Variants in MYO16 observed in about 807,000 individuals in gnomAD.
The protein encoded by MYO16 is myosin XVI, also known as unconventional myosin-XVI.
In MYO16, 94 loss-of-function variants were observed where a neutral mutation model predicts 205.3. That is an observed-to-expected ratio of 0.46 (90% confidence interval 0.39 to 0.54). The LOEUF is 0.54. MYO16 is among the 20% of genes least tolerant of loss of function. The pLI is 0.00. For synonymous variants in MYO16, 988 were observed against 954.0 expected (o/e 1.04, Z -0.66); for missense variants, 2,315 against 2,387.5 (o/e 0.97, Z 0.63).
At chr13:108,744,389 C>A (rs546180431) in intron 4 of MYO16, among the ~76,000 whole-genome samples, 2 of 152,262 alleles carry the variant, frequency 1.3e-5, no homozygotes, top group South Asian at 4.1e-4. Context: ...TTCTATAAGC[C>A]TTTTTCTTCA....
intron 11 of MYO16, among the ~76,000 whole-genome samples, chr13:108,857,686 G>A (rs1878253460): frequency 6.6e-6 from 1 of 152,210 alleles, no homozygotes; most frequent in South Asian, 2.1e-4. Flanking sequence ...CCTAGCCCAT[G>A]TGCAAGAATA....
chr13:108,608,651 G>GTTTTTTTTTTTTTTT (rs774506124), intron 1 of MYO16, among the ~76,000 whole-genome samples: 1 of 151,174 alleles, frequency 6.6e-6, no homozygotes, highest in Non-Finnish European at 1.5e-5. Context: ...ACCCACAAAT[G>GTTTTTTTTTTTTTTT]ATTTTTTTTT....
intron 16 of MYO16, among the ~76,000 whole-genome samples, chr13:108,941,978 C>T (rs1882750069): frequency 6.6e-6 from 1 of 152,104 alleles, no homozygotes; most frequent in African/African-American, 2.4e-5. Flanking sequence ...TTCTTAAATG[C>T]CTAAGAGTTA....
At chr13:109,171,087 C>T (rs1878905075) in intron 33 of MYO16, among the ~76,000 whole-genome samples, 1 of 152,178 alleles carries the variant, frequency 6.6e-6, no homozygotes. Context: ...GAACTTTCCC[C>T]ATGATTTTTA....
chr13:109,018,058 G>A (rs1407472725), intron 22 of MYO16, among the ~76,000 whole-genome samples: 1 of 152,162 alleles, frequency 6.6e-6, no homozygotes, highest in African/African-American at 2.4e-5. Context: ...CTGGTTTTTA[G>A]AATTTTCAGC....
intron 1 of MYO16, among the ~76,000 whole-genome samples, chr13:108,611,458 T>C (rs1190686942): frequency 2.0e-5 from 3 of 152,188 alleles, no homozygotes; most frequent in Non-Finnish European, 1.5e-5. Flanking sequence ...ACTTTTATGT[T>C]TTACCATCTG....
At chr13:108,699,662 C>A (rs1165224492) in intron 2 of MYO16, among the ~76,000 whole-genome samples, 1 of 152,110 alleles carries the variant, frequency 6.6e-6, no homozygotes, top group African/African-American at 2.4e-5. Context: ...TGACTGGTTT[C>A]GGTAAGCAGA....
intron 31 of MYO16, among the ~76,000 whole-genome samples, chr13:109,128,768 G>GTTTTAGTTTTTT (rs1232779988): frequency 8.7e-6 from 1 of 115,018 alleles, no homozygotes; most frequent in African/African-American, 3.4e-5. Context: ...CACTTTTTTA[G>GTTTTAGTTTTTT]TTTTTTTTTT....
chr13:109,058,477 G>A (rs957761428), intron 27 of MYO16, among the ~76,000 whole-genome samples: 8 of 152,042 alleles, frequency 5.3e-5, no homozygotes, highest in African/African-American at 1.9e-4. Context: ...TAAAGTTTTT[G>A]GTTTCCCGCT....
intron 32 of MYO16, among the ~76,000 whole-genome samples, chr13:109,154,091 C>T (rs753424206): frequency 8.5e-5 from 13 of 152,242 alleles, no homozygotes; most frequent in Non-Finnish European, 1.8e-4. Context: ...TGTAGCTCTT[C>T]CAGAATTTCG....
chr13:108,550,168 C>T, the MYO16 span, among the ~76,000 whole-genome samples: 7 of 152,368 alleles, frequency 4.6e-5, no homozygotes, highest in African/African-American at 9.6e-5. Flanking sequence ...CAGCCACTGG[C>T]GACATGATTC....
intron 1 of MYO16, among the ~76,000 whole-genome samples, chr13:108,602,317 G>A (rs749549619): frequency 2.0e-5 from 3 of 152,086 alleles, no homozygotes; most frequent in Non-Finnish European, 4.4e-5. Context: ...TTTATAAGAT[G>A]TAGACCTCTT....
intron 6 of MYO16, among the ~76,000 whole-genome samples, chr13:108,802,561 C>G (rs552200404): frequency 6.6e-6 from 1 of 152,154 alleles, no homozygotes. Flanking sequence ...ATCCCTATGA[C>G]ATAGCAACTT....
chr13:108,927,876 G>A (rs1031320900), intron 16 of MYO16, among the ~76,000 whole-genome samples: 8 of 152,210 alleles, frequency 5.3e-5, no homozygotes, highest in South Asian at 2.1e-4. Context: ...GGGCCAACGC[G>A]TGCACCTGGC....
chr13:108,962,289 T>C (rs963876412), intron 18 of MYO16, 135 bp from the exon 19 acceptor site: 12 of 631,912 alleles, frequency 1.9e-5, no homozygotes, highest in Admixed American at 6.5e-5. Flanking sequence ...ACAATTACAG[T>C]GGTAATGACT....
chr13:108,801,190 C>A (rs550807921), intron 6 of MYO16, among the ~76,000 whole-genome samples: 2 of 152,232 alleles, frequency 1.3e-5, no homozygotes, highest in East Asian at 3.9e-4. Context: ...TAACAAGAGT[C>A]AATTCACAAA....
At position 108,950,400 on chromosome 13, in the gene MYO16, C is replaced by T. The variant is rs73616441; in HGVS notation, c.1926-7288C>T. Among the ~76,000 whole-genome samples, 1,400 of 152,088 alleles carry T rather than the reference C, an allele frequency of 9.2e-3. 14 individuals carry two copies. The highest frequency in any genetic ancestry group is 0.031 in the African/African-American group (1,299 of 41,476). On this transcript the variant is annotated intron_variant, in intron 16 of 34. Transcript: ENST00000457511. ...CAAAAGACATGAAGGGATATTTCAC[C>T]AAATATGAATATACGGATAGCACAT...
At chr13:108,952,468 G>A (rs958772723) in intron 16 of MYO16, among the ~76,000 whole-genome samples, 1 of 152,196 alleles carries the variant, frequency 6.6e-6, no homozygotes, top group Admixed American at 6.5e-5. Flanking sequence ...GGCTTCTTTT[G>A]TGAATTGTTG....
Position 108,952,042 on chromosome 13 carries a change from C to T in MYO16, c.1926-5646C>T, listed in dbSNP as rs540644687. 1.5e-4 allele frequency among the ~76,000 whole-genome samples: 23 copies of T among 151,760 alleles called. 1 individual carries two copies. The highest frequency in any genetic ancestry group is 9.2e-4 in the Admixed American group (14 of 15,204). On this transcript the variant is annotated intron_variant, in intron 16 of 34. Coordinates refer to ENST00000457511, the MANE Select transcript of MYO16 (RefSeq NM_001198950.3). ...AGGAGAATTGCTTGAACCTGGGAGG[C>T]GGAGGTTGCAGTGAGCTGAGATCAT...
Sources: allele counts gnomAD v4.1 joint callset (sites outside exome capture counted in the v4.1 genomes callset), GRCh38; gene constraint gnomAD v4.1.1; transcripts MANE v1.5; gene names NCBI Gene and HGNC (gene_info 2026-07-23, HGNC 2026-07-21).